FMN2: variants seen among roughly 807,000 people sequenced by gnomAD.
The protein encoded by FMN2 is formin 2.
A neutral mutation model predicts 142.3 loss-of-function variants in FMN2; 51 were observed. The ratio of observed to expected loss-of-function variants is 0.36; its 90% CI spans 0.29 to 0.45. FMN2 has a LOEUF of 0.45. Among genes scored for constraint, FMN2 ranks in the 20% least tolerant of loss-of-function variants. The probability of loss-of-function intolerance (pLI) is 1.00; values close to 1 mark genes in which losing one functional copy is unlikely to be tolerated. For missense variants in FMN2, 1,936 were observed against 2,122.8 expected, an observed-to-expected ratio of 0.91 and a Z score of 1.73; for synonymous variants, 882 against 869.8, an observed-to-expected ratio of 1.01 and a Z score of -0.25.
intron 2 of FMN2, among the ~76,000 whole-genome samples, chr1:240,152,227 C>T (rs763741983): frequency 6.6e-6 from 1 of 152,000 alleles, no homozygotes; most frequent in Non-Finnish European, 1.5e-5. Context: ...CTAATCCAGT[C>T]CTGATCCTCT....
In FMN2 at chr1:240,333,034, G is replaced by GA. The variant is rs1235240946; in HGVS notation, c.4585-847dup. Among the ~76,000 whole-genome samples the GA allele has an allele frequency of 5.9e-5, 9 of 152,142 alleles. No individual in the cohort carries two copies. The East Asian group carries it at 1.7e-3, about 29-fold the overall frequency. On this transcript the variant is annotated intron_variant, in intron 11 of 17. Transcript: ENST00000319653. ...AGGTTTTGCTCTTTTTACAAATATA[G>GA]AAAAAATCGTGGTTATATTAAACAT...
chr1:240,389,259 G>A lies in FMN2; in HGVS notation c.4859-3252G>A, dbSNP rs565974048. 5.9e-5 allele frequency among the ~76,000 whole-genome samples: 9 copies of A among 152,294 alleles called. No homozygotes were observed. In the East Asian group the frequency reaches 1.5e-3, roughly 26 times the overall value. On this transcript the variant is annotated intron_variant, in intron 14 of 17. Transcript: ENST00000319653. ...TTCAAAACTCTGCAAAACCATTTAT[G>A]CCATTAGAGATTATCTGAAAATATT...
At chr1:240,260,072 T>G (rs567044122) in intron 7 of FMN2, among the ~76,000 whole-genome samples, 1 of 152,370 alleles carries the variant, frequency 6.6e-6, no homozygotes, top group African/African-American at 2.4e-5. Context: ...TTGCTGTGAA[T>G]GCCATTAATT....
At chr1:240,315,327 A>G (rs1670741758) in intron 8 of FMN2, among the ~76,000 whole-genome samples, 1 of 152,188 alleles carries the variant, frequency 6.6e-6, no homozygotes, top group Non-Finnish European at 1.5e-5. Context: ...AACAGTAAAA[A>G]CATTTGATGG....
Position 240,278,612 on chromosome 1 carries a change from CT to C in FMN2, c.4154-16208del, listed in dbSNP as rs545078230. 1.6e-3 allele frequency among the ~76,000 whole-genome samples: 240 copies of C among 152,212 alleles called. 2 individuals are homozygous for C. The highest frequency in any genetic ancestry group is 3.7e-3 in the Admixed American group (57 of 15,278). On this transcript the variant is annotated intron_variant, in intron 7 of 17. Transcript: ENST00000319653. The stretch of plus-strand genomic sequence containing the variant: ...GAATTTTATTAATAGGAAATTGCTT[CT>C]TCTTTAACAATGAGGATCATAACTT...
intron 14 of FMN2, among the ~76,000 whole-genome samples, chr1:240,388,935 A>G (rs1254641771): frequency 1.3e-5 from 2 of 151,196 alleles, no homozygotes; most frequent in African/African-American, 2.4e-5. Flanking sequence ...TGATTTGATG[A>G]CAATGTGAAG....
At chr1:240,372,767 A>T (rs1672915250) in intron 14 of FMN2, among the ~76,000 whole-genome samples, 1 of 152,094 alleles carries the variant, frequency 6.6e-6, no homozygotes, top group Non-Finnish European at 1.5e-5. Context: ...AGCAAGTCAC[A>T]TGCATTTTGG....
intron 14 of FMN2, among the ~76,000 whole-genome samples, chr1:240,361,259 G>A (rs369684785): frequency 6.6e-6 from 1 of 150,562 alleles, no homozygotes; most frequent in South Asian, 2.1e-4. Context: ...CGTCGTGGGA[G>A]GGAGTAGCAT....
intron 3 of FMN2, chr1:240,180,103 A>G: frequency 1.8e-6 from 2 of 1,081,800 alleles, no homozygotes; most frequent in Non-Finnish European, 2.5e-6. Context: ...TGTAGCTTGC[A>G]AAATGCTAGA....
chr1:240,123,806 A>C (rs147322965), intron 2 of FMN2, among the ~76,000 whole-genome samples: 2 of 152,278 alleles, frequency 1.3e-5, no homozygotes, highest in East Asian at 3.9e-4. Context: ...CCCTGTACCC[A>C]TTAAACAATA....
intron 2 of FMN2, chr1:240,170,989 G>T: frequency 1.2e-6 from 1 of 806,606 alleles, no homozygotes. Context: ...GAATGTCAAG[G>T]TCGTGAGAGC....
At chr1:240,107,827 C>G (rs1174695481) in intron 1 of FMN2, among the ~76,000 whole-genome samples, 1 of 152,006 alleles carries the variant, frequency 6.6e-6, no homozygotes, top group East Asian at 1.9e-4. Context: ...ACCGAGAACT[C>G]TCTATAACAA....
At chr1:240,192,646 A>T (rs1164122280) in intron 4 of FMN2, among the ~76,000 whole-genome samples, 1 of 152,194 alleles carries the variant, frequency 6.6e-6, no homozygotes, top group Non-Finnish European at 1.5e-5. Context: ...AGTCTTCCTC[A>T]GTGTCTAATC....
At chr1:240,226,602 A>T (rs370659833) in intron 6 of FMN2, among the ~76,000 whole-genome samples, 127 of 152,344 alleles carry the variant, frequency 8.3e-4, no homozygotes, top group African/African-American at 3.0e-3. Context: ...GAGCACTGGT[A>T]AACATTTTTT....
intron 1 of FMN2, among the ~76,000 whole-genome samples, chr1:240,099,083 A>G (rs1373614410): frequency 1.3e-5 from 2 of 152,176 alleles, no homozygotes; most frequent in East Asian, 1.9e-4. Flanking sequence ...AATTAATACT[A>G]TTAAGATGAA....
intron 10 of FMN2, among the ~76,000 whole-genome samples, chr1:240,329,816 T>C (rs975537996): frequency 6.6e-6 from 1 of 152,114 alleles, no homozygotes; most frequent in African/African-American, 2.4e-5. Context: ...TTTTTTACTT[T>C]CTTTCGTTAT....
At chr1:240,369,401 A>G (rs12084145) in intron 14 of FMN2, among the ~76,000 whole-genome samples, 1,907 of 152,278 alleles carry the variant, frequency 0.013, 35 homozygotes, top group African/African-American at 0.039. Context: ...CCCCTAAAAT[A>G]TAGAATTATT....
intron 7 of FMN2, among the ~76,000 whole-genome samples, chr1:240,291,677 CTAA>C (rs1282085056): frequency 1.3e-5 from 2 of 152,106 alleles, no homozygotes; most frequent in African/African-American, 4.8e-5. Flanking sequence ...TTGTTTCACT[CTAA>C]TGGTTTATCA....
intron 2 of FMN2, chr1:240,143,139 T>A: frequency 1.9e-6 from 3 of 1,570,780 alleles, no homozygotes; most frequent in South Asian, 1.1e-5. Context: ...GTCCTTGGCA[T>A]GATATTGAGC....
Sources: allele counts gnomAD v4.1 joint callset (sites outside exome capture counted in the v4.1 genomes callset), GRCh38; gene constraint gnomAD v4.1.1; transcripts MANE v1.5; gene names NCBI Gene and HGNC (gene_info 2026-07-23, HGNC 2026-07-21).